The following FGFR4 variants were observed in gnomAD, a reference collection of about 807,000 sequenced individuals.
FGFR4 encodes fibroblast growth factor receptor 4.
FGFR4 carries 63 observed loss-of-function variants against 89.9 expected under a neutral mutation model. The ratio of observed to expected loss-of-function variants is 0.70; its 90% CI spans 0.57 to 0.86. The LOEUF is 0.86. Ranked by LOEUF, FGFR4 falls within the 40% of genes least tolerant of loss-of-function variation. FGFR4 has a pLI of 0.00. For missense variants in FGFR4, 928 were observed against 1,106.7 expected (o/e 0.84, Z 2.29); for synonymous variants, 486 against 479.4 (o/e 1.01, Z -0.18).
Position 177,095,231 on chromosome 5 carries a change from C to T in FGFR4, c.1520-99C>T, listed in dbSNP as rs983986287. On this transcript the variant is annotated intron_variant, in intron 11 of 17. Coordinates refer to ENST00000292408, the MANE Select transcript of FGFR4 (RefSeq NM_213647.3). This position sits in a 1 kb window ranked among gnomAD's most constrained non-coding sequence, Gnocchi z 5.7. ...TAGCAAGGATTCAGCCCTAGACCTA[C>T]GTAGCCCTGGTCCAGTGCTGCTTGT... 30 of 965,166 alleles carry T rather than the reference C, an allele frequency of 3.1e-5. No individual in the cohort carries two copies. Among genetic ancestry groups the T allele is most frequent in the African/African-American group, 2.3e-4 (14 of 62,138 alleles). 59.8% of individuals were successfully genotyped at this position (965,166 alleles called of 1,614,324 possible).
At chr5:177,094,298 C>G (rs1784472381) in intron 11 of FGFR4, among the ~76,000 whole-genome samples, 2 of 152,132 alleles carry the variant, frequency 1.3e-5, no homozygotes, top group Admixed American at 6.5e-5. Context: ...AGATAACAGT[C>G]CCTACTCCCA....
intron 11 of FGFR4, among the ~76,000 whole-genome samples, chr5:177,094,089 TA>T (rs969636905): frequency 6.6e-6 from 1 of 151,524 alleles, no homozygotes. Flanking sequence ...AATAAATAAA[TA>T]AAAATAAAAG....
chr5:177,089,998 G>A (rs1255471465), intron 2 of FGFR4: 3 of 670,042 alleles, frequency 4.5e-6, no homozygotes, highest in African/African-American at 3.5e-5. Context: ...CACTGGGTGT[G>A]TGACCTAGGA....
At chr5:177,088,445 C>T (rs1250945611) in intron 1 of FGFR4, 4 of 197,816 alleles carry the variant, frequency 2.0e-5, no homozygotes, top group Admixed American at 1.2e-4. Context: ...ATGGCCATGA[C>T]CTGCCTTGAG....
In FGFR4 at chr5:177,087,428, C is replaced by T. The variant is rs1410102583; in HGVS notation, c.-54+351C>T. ...CTTGTCCCTGCGGCTGTCTTCGCGC[C>T]GGCGGCAGAGATGAGGGACCTGAGG... On this transcript the variant is annotated intron_variant, in intron 1 of 17. Coordinates refer to ENST00000292408, the MANE Select transcript of FGFR4 (RefSeq NM_213647.3). This position sits in a 1 kb window ranked among gnomAD's most constrained non-coding sequence, Gnocchi z 6.1. 4.4e-6 allele frequency: 1 copy of T among 226,842 alleles called. No individual in the cohort carries two copies. 14.1% of individuals were successfully genotyped at this position (226,842 alleles called of 1,614,324 possible).
intron 11 of FGFR4, chr5:177,094,938 T>G: frequency 5.2e-6 from 1 of 193,894 alleles, no homozygotes; most frequent in East Asian, 1.2e-4. Context: ...GGCGCCAGCC[T>G]GCTTTCCGCA....
intron 1 of FGFR4, among the ~76,000 whole-genome samples, chr5:177,089,049 C>G (rs187835083): frequency 6.6e-6 from 1 of 152,082 alleles, no homozygotes; most frequent in African/African-American, 2.4e-5. Flanking sequence ...CGGAAGGGGC[C>G]GCCTTGTCAG....
At position 177,092,713 on chromosome 5, in the gene FGFR4, G is replaced by A. The variant is rs1471984188; in HGVS notation, c.986G>A (p.Gly329Asp). Residue 329 changes from glycine (G) to aspartate (D), a missense_variant, in exon 8 of 18, where the codon GGC becomes GAC. Gly to Asp is a moderately conservative substitution (Grantham distance 94). Transcript: ENST00000292408. ...CGGAACGTGTCAGCCGAGGACGCAG[G>A]CGAGTACACCTGCCTCGCAGGCAAT... The part of the protein sequence containing the change: ...YLRNVSAEDA[G>D]EYTCLAGNSI... 6.2e-7 allele frequency: 1 copy of A among 1,614,246 alleles called. No homozygotes were observed. Among genetic ancestry groups the A allele is most frequent in the Non-Finnish European group, 8.5e-7 (1 of 1,180,032 alleles).
chr5:177,095,966 G>A lies in FGFR4; in HGVS notation c.1822-91G>A. ...GACCTCCTCCTCTGTAAAGTGGGTG[G>A]AGGGCCCCTGCCCCCGGGCCTGCTG... On this transcript the variant is annotated intron_variant, in intron 13 of 17. Transcript: ENST00000292408. The surrounding 1 kb of genome is among the most constrained non-coding windows in gnomAD (Gnocchi z 5.7). 9 of 1,510,076 alleles carry A rather than the reference G, an allele frequency of 6.0e-6. 1 individual carries two copies. The South Asian group carries it at 1.2e-4, about 19-fold the overall frequency. The allele number at this position is 1,510,076 out of a possible 1,614,324, so 93.5% of individuals were successfully genotyped here. A position where few individuals can be genotyped will look rare whatever the true frequency, so the allele number is the denominator to read the frequency against.
Position 177,093,605 on chromosome 5 carries a change from T to A in FGFR4, c.1398-49T>A, listed in dbSNP as rs928054539. Reference sequence around the variant, plus strand: ...GCGGGCGCCGGGTTGCAGCCCGCCCTCCGCAGGAGTGACTCGGAGGTCTGA... The same window carrying A: ...GCGGGCGCCGGGTTGCAGCCCGCCCACCGCAGGAGTGACTCGGAGGTCTGA... On this transcript the variant is annotated intron_variant, in intron 10 of 17. Transcript: ENST00000292408. This position sits in a 1 kb window ranked among gnomAD's most constrained non-coding sequence, Gnocchi z 5.8. 2 of 1,612,980 alleles carry A rather than the reference T, an allele frequency of 1.2e-6. No homozygotes were observed. The highest frequency in any genetic ancestry group is 1.7e-6 in the Non-Finnish European group (2 of 1,179,100).
Position 177,096,278 on chromosome 5 carries a change from C to T in FGFR4, c.1945-9C>T, listed in dbSNP as rs1257997430. On this transcript the variant is annotated splice_polypyrimidine_tract_variant and intron_variant, in intron 14 of 17. Transcript: ENST00000292408. The stretch of plus-strand genomic sequence containing the variant: ...GGGACTCTGCACTGAGGCCCTCTCT[C>T]CCCTCCAGGGCCGCCTGCCTGTGAA... 3 of 1,613,980 alleles carry T rather than the reference C, an allele frequency of 1.9e-6. No individual in the cohort carries two copies. Among genetic ancestry groups the T allele is most frequent in the Non-Finnish European group, 2.5e-6 (3 of 1,179,988 alleles).
At position 177,095,322 on chromosome 5, in the gene FGFR4, C is replaced by A; in HGVS notation, c.1520-8C>A. On this transcript the variant is annotated splice_region_variant and splice_polypyrimidine_tract_variant and intron_variant, in intron 11 of 17. Transcript: ENST00000292408. The surrounding 1 kb of genome is among the most constrained non-coding windows in gnomAD (Gnocchi z 5.7). ...GCAGCCTCTTCACCCCGTCTGCTGC[C>A]CTTACAGACAACGCCTCTGACAAGG... 6.2e-7 allele frequency: 1 copy of A among 1,612,954 alleles called. No homozygotes were observed. Among genetic ancestry groups the A allele is most frequent in the South Asian group, 1.1e-5 (1 of 91,030 alleles).
In FGFR4 at chr5:177,095,281, C is replaced by T. The variant is rs774444375; in HGVS notation, c.1520-49C>T. 8 of 1,486,826 alleles carry T rather than the reference C, an allele frequency of 5.4e-6. No individual in the cohort carries two copies. The Admixed American group carries it at 8.4e-5, about 16-fold the overall frequency. The allele number at this position is 1,486,826 out of a possible 1,614,324, so 92.1% of individuals were successfully genotyped here. ...TCCTGCACCTGCCTCTGCATGCTCC[C>T]TCGTGCAGTTGGAGGGCAGCCTCTT... On this transcript the variant is annotated intron_variant, in intron 11 of 17. Transcript: ENST00000292408. The surrounding 1 kb of genome is among the most constrained non-coding windows in gnomAD (Gnocchi z 5.7).
rs1784440420 is a variant in FGFR4, at chr5:177,093,435, G to A, written c.1281G>A (p.Lys427=). Residue 427 remains lysine (K), a synonymous_variant, in exon 10 of 18, where the codon AAG becomes AAA. Transcript: ENST00000292408. The surrounding 1 kb of genome is among the most constrained non-coding windows in gnomAD (Gnocchi z 5.8). ...QFSLESGSSG[K]SSSSLVRGVR... is the part of the protein sequence containing the mutation. The stretch of plus-strand genomic sequence containing the variant: ...CCCTGGAGTCAGGCTCTTCCGGCAA[G>A]TCAAGCTCATCCCTGGTACGAGGCG... The A allele has an allele frequency of 1.9e-6, 3 of 1,614,000 alleles. No individual in the cohort carries two copies. The highest frequency in any genetic ancestry group is 2.2e-5 in the East Asian group (1 of 44,896).
Position 177,097,380 on chromosome 5 carries a change from C to A in FGFR4, c.2242C>A (p.Leu748Met). The change falls in exon 17 of 18, where the codon CTG becomes ATG. Residue 748 changes from leucine to methionine, a missense_variant. Around this residue, in one of 5 missense-constraint regions of FGFR4, gnomAD observed 129 missense variants for 150.8 expected, o/e 0.86. Coordinates refer to ENST00000292408, the MANE Select transcript of FGFR4 (RefSeq NM_213647.3). ...QLVEALDKVL[L>M]AVSEEYLDLR... ...GGTGGAGGCGCTGGACAAGGTCCTGCTGGCCGTCTCTGAGGAGGTACAGCC... is the reference window on the plus strand; with the variant it reads ...GGTGGAGGCGCTGGACAAGGTCCTGATGGCCGTCTCTGAGGAGGTACAGCC... 6.2e-7 allele frequency: 1 copy of A among 1,611,712 alleles called. No individual in the cohort carries two copies. Among genetic ancestry groups the A allele is most frequent in the Non-Finnish European group, 8.5e-7 (1 of 1,179,154 alleles).
At position 177,095,646 on chromosome 5, in the gene FGFR4, GGGCC is replaced by G. The variant is rs1375554049; in HGVS notation, c.1746_1749del (p.Pro583SerfsTer37). 6.2e-7 allele frequency: 1 copy of G among 1,607,206 alleles called. No homozygotes were observed. Among genetic ancestry groups the G allele is most frequent in the East Asian group, 2.2e-5 (1 of 44,694 alleles). On this transcript the variant is annotated frameshift_variant, in exon 13 of 18. Transcript: ENST00000292408. LOFTEE classifies it high-confidence loss of function. The surrounding 1 kb of genome is among the most constrained non-coding windows in gnomAD (Gnocchi z 5.7). ...CCCCGACGGTCCTCGGAGCAGTGAGGGGCCGCTCTCCTTCCCAGTCCTGGTCTCC... is the reference window on the plus strand; with the variant it reads ...CCCCGACGGTCCTCGGAGCAGTGAGGGCTCTCCTTCCCAGTCCTGGTCTCC...
rs771844700 is a variant in FGFR4 at position 177,096,365 on chromosome 5, C to G, written c.2015+8C>G. On this transcript the variant is annotated splice_region_variant and intron_variant, in intron 15 of 17. Coordinates refer to ENST00000292408, the MANE Select transcript of FGFR4 (RefSeq NM_213647.3). ...CACACACCAGAGTGACGTGTGAGTC[C>G]TGCCGGCGGTCACTGTCCTACCCCA... is the stretch of plus-strand genomic sequence containing the variant. The G allele has an allele frequency of 3.1e-6, 5 of 1,613,778 alleles. No homozygotes were observed. The African/African-American group carries it at 5.3e-5, about 17-fold the overall frequency.
chr5:177,096,058 G>C lies in FGFR4; in HGVS notation c.1823G>C (p.Cys608Ser), dbSNP rs1784549201. The C allele has an allele frequency of 6.2e-7, 1 of 1,613,530 alleles. No homozygotes were observed. Residue 608 changes from cysteine (C) to serine (S), a missense_variant and splice_region_variant, in exon 14 of 18, where the codon TGT becomes TCT. By Grantham distance (112) the Cys-to-Ser change is moderately radical. Around this residue, in one of 5 missense-constraint regions of FGFR4, gnomAD observed 11 missense variants for 37.2 expected, o/e 0.30. Transcript: ENST00000292408. ...RGMQYLESRK[C>S]IHRDLAARNV... The stretch of plus-strand genomic sequence containing the variant: ...CACCCAAGCCCCCGCTCCCTGCAGT[G>C]TATCCACCGGGACCTGGCTGCCCGC...
At position 177,087,309 on chromosome 5, in the gene FGFR4, G is replaced by C. The variant is rs994742873; in HGVS notation, c.-54+232G>C. 6.6e-6 allele frequency: 1 copy of C among 152,450 alleles called. No individual in the cohort carries two copies. Among genetic ancestry groups the C allele is most frequent in the African/African-American group, 2.4e-5 (1 of 41,452 alleles). The allele number at this position is 152,450 out of a possible 1,614,324, so 9.4% of individuals were successfully genotyped here. On this transcript the variant is annotated intron_variant, in intron 1 of 17. Coordinates refer to ENST00000292408, the MANE Select transcript of FGFR4 (RefSeq NM_213647.3). This position sits in a 1 kb window ranked among gnomAD's most constrained non-coding sequence, Gnocchi z 6.1. Reference sequence around the variant, plus strand: ...CTGGTTACTCATTGCCCACCGAGGCGGGGGCAGGCTGGCCCTGTGCAGCTA... The same window carrying C: ...CTGGTTACTCATTGCCCACCGAGGCCGGGGCAGGCTGGCCCTGTGCAGCTA...
Sources: allele counts gnomAD v4.1 joint callset (sites outside exome capture counted in the v4.1 genomes callset), GRCh38; gene constraint gnomAD v4.1.1; regional missense constraint gnomAD v4.1.1; non-coding constraint Gnocchi (gnomAD v3.1); transcripts MANE v1.5; gene names NCBI Gene and HGNC (gene_info 2026-07-23, HGNC 2026-07-21).